The following CRYZL1 variants were observed in gnomAD, a reference collection of about 807,000 sequenced individuals.
The protein encoded by CRYZL1 is ferry endosomal RAB5 effector complex subunit 4.
Under a neutral mutation model 50.6 loss-of-function variants are expected in CRYZL1, and 34 were observed. The ratio of observed to expected loss-of-function variants is 0.67; its 90% CI spans 0.51 to 0.89. The LOEUF (loss-of-function observed/expected upper bound fraction) is 0.89, where lower values mean the gene tolerates loss of function less well. Among genes scored for constraint, CRYZL1 ranks in the 40% least tolerant of loss-of-function variants. The pLI, the probability that CRYZL1 is intolerant of heterozygous loss-of-function variation, is 0.00. For missense variants in CRYZL1, 354 were observed against 402.3 expected, an observed-to-expected ratio of 0.88 and a Z score of 1.03; for synonymous variants, 125 against 134.3, an observed-to-expected ratio of 0.93 and a Z score of 0.48.
chr21:33,616,980 CAGG>C (rs1213112562), intron 4 of CRYZL1: 11 of 301,400 alleles, frequency 3.6e-5, no homozygotes, highest in African/African-American at 1.7e-4. Flanking sequence ...TTATTGTGAC[CAGG>C]AGAAGTATCT....
intron 6 of CRYZL1, among the ~76,000 whole-genome samples, chr21:33,608,672 T>C (rs1168210980): frequency 6.6e-6 from 1 of 152,202 alleles, no homozygotes; most frequent in Non-Finnish European, 1.5e-5. Context: ...GTGCTCTCCA[T>C]TTCCATCTGT....
chr21:33,635,732 C>T (rs1601353133), intron 1 of CRYZL1, among the ~76,000 whole-genome samples: 1 of 151,846 alleles, frequency 6.6e-6, no homozygotes, highest in East Asian at 2.0e-4. Flanking sequence ...CGCCTGTAAC[C>T]AGAACTTTGG....
chr21:33,613,054 G>A, intron 6 of CRYZL1, among the ~76,000 whole-genome samples: 1 of 152,100 alleles, frequency 6.6e-6, no homozygotes, highest in East Asian at 1.9e-4. Flanking sequence ...CCAAACTCCT[G>A]GCCTCAGGTG....
chr21:33,614,343 G>C (rs2086904927), intron 5 of CRYZL1, among the ~76,000 whole-genome samples: 1 of 151,940 alleles, frequency 6.6e-6, no homozygotes. Context: ...TTAAAGATTA[G>C]TTGGATATCA....
chr21:33,599,753 T>C (rs1371938603), intron 8 of CRYZL1, among the ~76,000 whole-genome samples: 2 of 151,912 alleles, frequency 1.3e-5, no homozygotes, highest in African/African-American at 4.8e-5. Context: ...TGCCCTAGCC[T>C]CCCAAGTAGC....
At chr21:33,620,698 G>C (rs929696596) in intron 4 of CRYZL1, among the ~76,000 whole-genome samples, 1 of 151,854 alleles carries the variant, frequency 6.6e-6, no homozygotes, top group African/African-American at 2.4e-5. Flanking sequence ...TGTAGCCCCA[G>C]CTACTTGGAA....
chr21:33,635,038 T>C (rs2087188619), intron 1 of CRYZL1, among the ~76,000 whole-genome samples: 1 of 151,900 alleles, frequency 6.6e-6, no homozygotes, highest in Non-Finnish European at 1.5e-5. Context: ...AAAATATCCT[T>C]AAAGTTACAA....
At chr21:33,637,720 G>A (rs1208368956) in intron 1 of CRYZL1, among the ~76,000 whole-genome samples, 4 of 144,498 alleles carry the variant, frequency 2.8e-5, no homozygotes, top group African/African-American at 1.0e-4. Context: ...CATTTTTAAG[G>A]AAAGCAAAGA....
At chr21:33,615,768 G>C (rs573226148) in intron 5 of CRYZL1, among the ~76,000 whole-genome samples, 2 of 152,228 alleles carry the variant, frequency 1.3e-5, no homozygotes, top group Admixed American at 1.3e-4. Flanking sequence ...GCTTCTATAT[G>C]GCCCAGTCAG....
chr21:33,595,384 T>G lies in CRYZL1; in HGVS notation c.904+347A>C, dbSNP rs190141427. 1,132 of 1,316,598 alleles carry G rather than the reference T, an allele frequency of 8.6e-4. 2 individuals carry two copies. The highest frequency in any genetic ancestry group is 4.0e-3 in the Middle Eastern group (19 of 4,738). The allele number at this position is 1,316,598 out of a possible 1,614,324, so 81.6% of individuals were successfully genotyped here. On this transcript the variant is annotated intron_variant, in intron 11 of 12. Transcript: ENST00000381554. Reference sequence around the variant, plus strand: ...TCAAGGTGATGTGTGCTTTCCTTAATGTGAGGTTAAAAACAAAATCTTCCA... The same window carrying G: ...TCAAGGTGATGTGTGCTTTCCTTAAGGTGAGGTTAAAAACAAAATCTTCCA...
intron 5 of CRYZL1, among the ~76,000 whole-genome samples, chr21:33,615,085 T>C (rs1467531187): frequency 1.3e-5 from 2 of 152,060 alleles, no homozygotes; most frequent in African/African-American, 2.4e-5. Context: ...ATCTATCCTT[T>C]AAGAATTTCA....
intron 6 of CRYZL1, among the ~76,000 whole-genome samples, chr21:33,604,354 T>TC (rs2086789129): frequency 1.2e-4 from 2 of 17,026 alleles, no homozygotes; most frequent in Non-Finnish European, 2.0e-4. Flanking sequence ...AGACTCCGTC[T>TC]CAAAAAAAAA....
chr21:33,641,572 G>A (rs971834653), intron 1 of CRYZL1, 109 bp downstream of exon 1: 1 of 349,804 alleles, frequency 2.9e-6, no homozygotes, highest in Non-Finnish European at 5.4e-6. Flanking sequence ...GTTAGGGTTC[G>A]ACGCGAACCA....
rs1296544151 is a variant in CRYZL1 at position 33,595,751 on chromosome 21, A to T, written c.884T>A (p.Val295Glu). 6 of 1,613,818 alleles carry T rather than the reference A, an allele frequency of 3.7e-6. No individual in the cohort carries two copies. Among genetic ancestry groups the T allele is most frequent in the Admixed American group, 1.7e-5 (1 of 60,012 alleles). Residue 295 changes from valine (V) to glutamate (E), a missense_variant, in exon 11 of 13, where the codon GTA (valine) becomes GAA (glutamate). Val to Glu is a moderately radical substitution (Grantham distance 121). Coordinates refer to ENST00000381554, the MANE Select transcript of CRYZL1 (RefSeq NM_145858.3). Reference protein sequence around the residue: ...LNDEVWNLSNVQQGKYLCILK... With the variant: ...LNDEVWNLSNEQQGKYLCILK... ...GATATAAAGATATTTTCCCTGTTGT[A>T]CATTTGACAAATTCCAAACTTCATC...
intron 1 of CRYZL1, among the ~76,000 whole-genome samples, chr21:33,637,113 C>T (rs574971382): frequency 6.6e-6 from 1 of 152,194 alleles, no homozygotes; most frequent in Non-Finnish European, 1.5e-5. Context: ...ACTCATCTTT[C>T]CCCCAAACAA....
At chr21:33,616,421 T>C in intron 5 of CRYZL1, 1 of 290,198 alleles carries the variant, frequency 3.4e-6, no homozygotes, top group Non-Finnish European at 6.8e-6. Flanking sequence ...GCCTCCTGAG[T>C]AGCTGGGATT....
At chr21:33,605,530 C>T (rs370595869) in intron 6 of CRYZL1, among the ~76,000 whole-genome samples, 897 of 53,002 alleles carry the variant, frequency 0.017, 32 homozygotes, top group South Asian at 0.02. Flanking sequence ...TACAAGAATT[C>T]TTTTTTTTTT....
chr21:33,614,538 C>T (rs1003187754), intron 5 of CRYZL1, among the ~76,000 whole-genome samples: 12 of 152,106 alleles, frequency 7.9e-5, no homozygotes, highest in African/African-American at 2.9e-4. Context: ...TAGCTACCTT[C>T]CTATAGTTTG....
At chr21:33,608,858 G>A (rs2086840941) in intron 6 of CRYZL1, among the ~76,000 whole-genome samples, 1 of 152,122 alleles carries the variant, frequency 6.6e-6, no homozygotes, top group African/African-American at 2.4e-5. Context: ...AAAGCTTCCG[G>A]GAAAATATCC....
Sources: allele counts gnomAD v4.1 joint callset (sites outside exome capture counted in the v4.1 genomes callset), GRCh38; gene constraint gnomAD v4.1.1; transcripts MANE v1.5; gene names NCBI Gene and HGNC (gene_info 2026-07-23, HGNC 2026-07-21).